RXFP1: variants seen among roughly 807,000 people sequenced by gnomAD.
RXFP1 encodes relaxin family peptide receptor 1.
RXFP1 carries 73 observed loss-of-function variants against 89.8 expected under a neutral mutation model. The observed-to-expected ratio is 0.81, with a 90% CI of 0.67 to 0.99. The LOEUF is 0.99. RXFP1 is among the 50% of genes least tolerant of loss of function. The pLI is 0.00. For missense variants in RXFP1, 793 were observed against 895.5 expected (o/e 0.89, Z 1.46); for synonymous variants, 277 against 305.5 (o/e 0.91, Z 0.97).
At chr4:158,587,781 T>C (rs10023342) in intron 2 of RXFP1, among the ~76,000 whole-genome samples, 6,472 of 152,266 alleles carry the variant, frequency 0.043, 429 homozygotes, top group African/African-American at 0.15. Context: ...TTTCTGCTTA[T>C]ATATATCTGT....
chr4:158,583,765 C>T (rs984812020), intron 2 of RXFP1, among the ~76,000 whole-genome samples: 10 of 152,146 alleles, frequency 6.6e-5, no homozygotes, highest in South Asian at 2.1e-4. Flanking sequence ...AAAGATTTTC[C>T]TCTCAGAACA....
At chr4:158,564,532 A>G (rs1340293933) in intron 1 of RXFP1, among the ~76,000 whole-genome samples, 1 of 152,236 alleles carries the variant, frequency 6.6e-6, no homozygotes, top group East Asian at 1.9e-4. Context: ...CTCCATGACA[A>G]CTGTCAGTCT....
Position 158,599,402 on chromosome 4 carries a change from T to C in RXFP1, c.363T>C (p.Val121=). ...LDCDETNLRA[V]PSVSSNVTAM... ...GTGATGAAACCAATTTACGAGCTGT[T>C]CCATCGGTTTCTTCAAATGTGACTG... The change falls in exon 4 of 18, where the codon GTT becomes GTC. Residue 121 remains valine (V), a synonymous_variant. Coordinates refer to ENST00000307765, the MANE Select transcript of RXFP1 (RefSeq NM_021634.4). 1 of 1,613,622 alleles carries C rather than the reference T, an allele frequency of 6.2e-7. No homozygotes were observed. Among genetic ancestry groups the C allele is most frequent in the Non-Finnish European group, 8.5e-7 (1 of 1,179,688 alleles).
intron 15 of RXFP1, among the ~76,000 whole-genome samples, chr4:158,645,452 T>C (rs1165884248): frequency 2.6e-5 from 4 of 152,194 alleles, no homozygotes; most frequent in African/African-American, 9.7e-5. Flanking sequence ...ACAAATAAAA[T>C]TGCAACCTCC....
At chr4:158,576,811 G>A (rs1756341713) in intron 2 of RXFP1, among the ~76,000 whole-genome samples, 1 of 152,196 alleles carries the variant, frequency 6.6e-6, no homozygotes, top group Admixed American at 6.5e-5. Context: ...GCATGCTGCT[G>A]CTGTCCATGC....
chr4:158,607,716 A>G lies in RXFP1; in HGVS notation c.465-256A>G, dbSNP rs567820889. Among the ~76,000 whole-genome samples, 22 of 152,342 alleles carry G rather than the reference A, an allele frequency of 1.4e-4. No individual in the cohort carries two copies. The South Asian group carries it at 4.6e-3, about 32-fold the overall frequency. ...TGTACATAAATTTAACAGAAACATGAAGTGACATGATATCTGGCTTCACTA... is the reference window on the plus strand; with the variant it reads ...TGTACATAAATTTAACAGAAACATGGAGTGACATGATATCTGGCTTCACTA... On this transcript the variant is annotated intron_variant, in intron 5 of 17. Coordinates refer to ENST00000307765, the MANE Select transcript of RXFP1 (RefSeq NM_021634.4).
intron 2 of RXFP1, chr4:158,573,119 C>T (rs1715004999): frequency 4.3e-6 from 1 of 233,726 alleles, no homozygotes; most frequent in Non-Finnish European, 8.4e-6. Context: ...AGTGATTCTC[C>T]TGCCTCAGCC....
intron 1 of RXFP1, among the ~76,000 whole-genome samples, chr4:158,560,306 A>G (rs1392627990): frequency 6.6e-6 from 1 of 152,214 alleles, no homozygotes; most frequent in African/African-American, 2.4e-5. Context: ...AATCAGCCCA[A>G]CAGGGACCAC....
chr4:158,602,114 A>G (rs1761797768), intron 4 of RXFP1, among the ~76,000 whole-genome samples: 2 of 152,220 alleles, frequency 1.3e-5, no homozygotes, highest in Admixed American at 1.3e-4. Context: ...AGGATTTGTT[A>G]TATTATATTT....
chr4:158,617,680 A>G (rs1170200309), intron 9 of RXFP1, among the ~76,000 whole-genome samples: 2 of 152,282 alleles, frequency 1.3e-5, no homozygotes, highest in East Asian at 3.9e-4. Context: ...TGCTTGTAGT[A>G]ATAAGTATCA....
intron 1 of RXFP1, among the ~76,000 whole-genome samples, chr4:158,548,606 G>A (rs915245324): frequency 6.6e-6 from 1 of 152,148 alleles, no homozygotes; most frequent in Non-Finnish European, 1.5e-5. Context: ...TCCTTTCCTT[G>A]TTTAGTGCTT....
chr4:158,624,762 A>G (rs1055650373), intron 9 of RXFP1, among the ~76,000 whole-genome samples: 2 of 152,238 alleles, frequency 1.3e-5, no homozygotes, highest in East Asian at 1.9e-4. Flanking sequence ...AAGAAAATAT[A>G]CATATTCATA....
rs566673159 is a variant in RXFP1 at position 158,587,756 on chromosome 4, A to G, written c.188-5645A>G. ...ATCAATTTTTCTATCTGCAGTATCC[A>G]TTCTTCTATCTGGGTTTCTGCTTAT... On this transcript the variant is annotated intron_variant, in intron 2 of 17. Transcript: ENST00000307765. Among the ~76,000 whole-genome samples, 115 of 152,298 alleles carry G rather than the reference A, an allele frequency of 7.6e-4. 2 individuals are homozygous for G. The highest frequency in any genetic ancestry group is 3.4e-3 in the Middle Eastern group (1 of 294).
chr4:158,616,816 T>A (rs986164604), intron 8 of RXFP1, among the ~76,000 whole-genome samples: 2 of 151,366 alleles, frequency 1.3e-5, no homozygotes, highest in Non-Finnish European at 2.9e-5. Flanking sequence ...CTGGCTAACA[T>A]GGTGAAACCC....
chr4:158,616,213 G>A (rs1764534342), intron 8 of RXFP1, among the ~76,000 whole-genome samples: 1 of 151,984 alleles, frequency 6.6e-6, no homozygotes, highest in South Asian at 2.1e-4. Context: ...CCTGAGGTCA[G>A]GAGTTCAAGA....
chr4:158,602,430 T>G (rs1761858973), intron 4 of RXFP1, among the ~76,000 whole-genome samples: 1 of 152,112 alleles, frequency 6.6e-6, no homozygotes, highest in East Asian at 1.9e-4. Flanking sequence ...TTCTTGCTTG[T>G]GCTATAGTGA....
intron 1 of RXFP1, among the ~76,000 whole-genome samples, chr4:158,527,564 A>T (rs372565613): frequency 0.014 from 1,395 of 98,322 alleles, 35 homozygotes; most frequent in African/African-American, 0.045. Context: ...AAAAAAAAAA[A>T]ATATATATAT....
At position 158,554,232 on chromosome 4, in the gene RXFP1, G is replaced by A. The variant is rs1455262838; in HGVS notation, c.50-18466G>A. On this transcript the variant is annotated intron_variant, in intron 1 of 17. Transcript: ENST00000307765. ...TCAATGATTTTTTCTCTATAGCTAA[G>A]AAACCGTATTTTTACACTCTTGAAT... 4.6e-5 allele frequency among the ~76,000 whole-genome samples: 7 copies of A among 152,082 alleles called. No homozygotes were observed. The East Asian group carries it at 1.3e-3, about 29-fold the overall frequency.
Position 158,639,291 on chromosome 4 carries a change from CA to C in RXFP1, c.1077del (p.Gln359HisfsTer9). 6.4e-7 allele frequency: 1 copy of C among 1,571,156 alleles called. No homozygotes were observed. The highest frequency in any genetic ancestry group is 1.3e-5 in the African/African-American group (1 of 74,152). ...AGAAGGGATTGAAATTTCAAATATCCAACAAAGGATGTTTAGACCTCTTATG... is the reference window on the plus strand; with the variant it reads ...AGAAGGGATTGAAATTTCAAATATCCACAAAGGATGTTTAGACCTCTTATG... ...SLEGIEISNI[Q>X]QRMFRPLMNL... is the part of the protein sequence containing the mutation. On this transcript the variant is annotated frameshift_variant, in exon 14 of 18. Coordinates refer to ENST00000307765, the MANE Select transcript of RXFP1 (RefSeq NM_021634.4). LOFTEE classifies it high-confidence loss of function.
Sources: allele counts gnomAD v4.1 joint callset (sites outside exome capture counted in the v4.1 genomes callset), GRCh38; gene constraint gnomAD v4.1.1; transcripts MANE v1.5; gene names NCBI Gene and HGNC (gene_info 2026-07-23, HGNC 2026-07-21).